The following NRXN3 variants were observed in gnomAD, a reference collection of about 807,000 sequenced individuals.
NRXN3 encodes the protein neurexin 3.
A neutral mutation model predicts 137.6 loss-of-function variants in NRXN3; 32 were observed. The ratio of observed to expected loss-of-function variants is 0.23; its 90% CI spans 0.18 to 0.31. The LOEUF (loss-of-function observed/expected upper bound fraction) is 0.31, where lower values mean the gene tolerates loss of function less well. Ranked by LOEUF, NRXN3 falls within the 10% of genes least tolerant of loss-of-function variation. The probability of loss-of-function intolerance (pLI) is 1.00; values close to 1 mark genes in which losing one functional copy is unlikely to be tolerated. For synonymous variants in NRXN3, 798 were observed against 784.5 expected, an observed-to-expected ratio of 1.02 and a Z score of -0.29; for missense variants, 1,574 against 2,062.5, an observed-to-expected ratio of 0.76 and a Z score of 4.59.
At position 78,212,620 on chromosome 14, in the gene NRXN3, T is replaced by C. The variant is rs79852992; in HGVS notation, c.-703-29771T>C. ...TCACAAGATGTCTTCAGGGCAAAAG[T>C]GATTTTCATACTTGTCTGGATTCCT... On this transcript the variant is annotated intron_variant, in intron 1 of 20. Coordinates refer to ENST00000335750, the MANE Select transcript of NRXN3 (RefSeq NM_001330195.2). 3.8e-3 allele frequency among the ~76,000 whole-genome samples: 577 copies of C among 152,310 alleles called. 4 individuals carry two copies. The highest frequency in any genetic ancestry group is 0.013 in the African/African-American group (555 of 41,574).
At chr14:78,211,324 G>A (rs1369451405) in intron 1 of NRXN3, among the ~76,000 whole-genome samples, 1 of 152,156 alleles carries the variant, frequency 6.6e-6, no homozygotes, top group African/African-American at 2.4e-5. Flanking sequence ...GGGGGATGAA[G>A]GGAAAAAGCA....
intron 10 of NRXN3, among the ~76,000 whole-genome samples, chr14:78,850,255 G>A (rs1379870250): frequency 6.6e-6 from 1 of 152,022 alleles, no homozygotes; most frequent in Admixed American, 6.6e-5. Flanking sequence ...TTACAGATGC[G>A]AGAACAAGCC....
intron 16 of NRXN3, among the ~76,000 whole-genome samples, chr14:79,516,623 T>G (rs2096987617): frequency 6.6e-6 from 1 of 152,218 alleles, no homozygotes. Flanking sequence ...TGCCTCTCAT[T>G]TCTGTTCTTC....
intron 15 of NRXN3, among the ~76,000 whole-genome samples, chr14:79,305,872 C>A (rs1443000961): frequency 6.6e-6 from 1 of 152,046 alleles, no homozygotes; most frequent in Non-Finnish European, 1.5e-5. Flanking sequence ...AGATAAGATA[C>A]AATCCTAACA....
chr14:78,262,501 G>T (rs1413626789), intron 2 of NRXN3, among the ~76,000 whole-genome samples: 1 of 152,162 alleles, frequency 6.6e-6, no homozygotes, highest in Non-Finnish European at 1.5e-5. Context: ...AATGTAATTT[G>T]CCACCAGCCT....
At chr14:79,789,343 G>A (rs530144965) in intron 19 of NRXN3, among the ~76,000 whole-genome samples, 11 of 152,050 alleles carry the variant, frequency 7.2e-5, no homozygotes, top group Non-Finnish European at 1.3e-4. Context: ...GAGGTGTGAC[G>A]GGGAGCAGGA....
At chr14:79,109,136 G>T (rs1377878940) in intron 15 of NRXN3, among the ~76,000 whole-genome samples, 1 of 152,146 alleles carries the variant, frequency 6.6e-6, no homozygotes, top group Non-Finnish European at 1.5e-5. Flanking sequence ...TCCCCAGTTG[G>T]TTGCTTATTT....
chr14:78,719,568 G>A (rs940595930), intron 8 of NRXN3, among the ~76,000 whole-genome samples: 2 of 152,202 alleles, frequency 1.3e-5, no homozygotes, highest in African/African-American at 4.8e-5. Context: ...GAGGCCAGGA[G>A]TGGTGGCTCA....
chr14:78,323,973 T>C (rs1305871261), intron 4 of NRXN3, among the ~76,000 whole-genome samples: 1 of 152,044 alleles, frequency 6.6e-6, no homozygotes, highest in Non-Finnish European at 1.5e-5. Context: ...ATGGCCATTA[T>C]CTCACTTCAT....
intron 15 of NRXN3, among the ~76,000 whole-genome samples, chr14:79,139,396 G>A (rs1301281016): frequency 6.6e-6 from 1 of 152,086 alleles, no homozygotes; most frequent in East Asian, 1.9e-4. Flanking sequence ...GATATATTCG[G>A]TTATAAGAAA....
intron 15 of NRXN3, among the ~76,000 whole-genome samples, chr14:79,272,554 T>C (rs1384147435): frequency 6.6e-6 from 1 of 152,168 alleles, no homozygotes; most frequent in Admixed American, 6.5e-5. Context: ...TTTTTTATTC[T>C]AGAGAAGAAA....
At chr14:79,279,100 C>A (rs1448421449) in intron 15 of NRXN3, among the ~76,000 whole-genome samples, 4 of 152,182 alleles carry the variant, frequency 2.6e-5, no homozygotes, top group Non-Finnish European at 5.9e-5. Flanking sequence ...ATAAAGAAGG[C>A]GCAGTGTCGG....
rs187461130 is a variant in NRXN3, at chr14:78,912,271, C to T, written c.2276-44971C>T. ...GAACTCATCTCTATTCTTTTATTAG[C>T]CACCAGGAAGCTTTAAAAAAAATAC... On this transcript the variant is annotated intron_variant, in intron 10 of 20. Coordinates refer to ENST00000335750, the MANE Select transcript of NRXN3 (RefSeq NM_001330195.2). Among the ~76,000 whole-genome samples, 99 of 150,536 alleles carry T rather than the reference C, an allele frequency of 6.6e-4. 1 individual carries two copies. In the East Asian group the frequency reaches 0.02, roughly 30 times the overall value.
At chr14:79,710,596 A>C (rs1231412258) in intron 19 of NRXN3, among the ~76,000 whole-genome samples, 1 of 152,170 alleles carries the variant, frequency 6.6e-6, no homozygotes, top group South Asian at 2.1e-4. Flanking sequence ...TGGTTTCAAA[A>C]ATGCTGTATA....
chr14:78,298,493 G>A (rs2076572471), intron 4 of NRXN3, among the ~76,000 whole-genome samples: 1 of 152,206 alleles, frequency 6.6e-6, no homozygotes, highest in South Asian at 2.1e-4. Flanking sequence ...TTCAGCATCT[G>A]CAACCTAAAA....
chr14:79,221,643 C>T lies in NRXN3; in HGVS notation c.3262+233502C>T, dbSNP rs142935390. Among the ~76,000 whole-genome samples, 378 of 151,930 alleles carry T rather than the reference C, an allele frequency of 2.5e-3. 3 individuals are homozygous for T. Among genetic ancestry groups the T allele is most frequent in the African/African-American group, 8.4e-3 (349 of 41,436 alleles). ...AATTTTTAATGTTCTTTGTAGATTC[C>T]GGATATTAGCCCTTTATCAGATGGA... On this transcript the variant is annotated intron_variant, in intron 15 of 20. Transcript: ENST00000335750.
intron 16 of NRXN3, among the ~76,000 whole-genome samples, chr14:79,598,534 T>C (rs1294618905): frequency 6.6e-6 from 1 of 152,218 alleles, no homozygotes; most frequent in South Asian, 2.1e-4. Context: ...GCTGGTAATA[T>C]GCAGAAAGGA....
At chr14:79,526,771 A>C (rs951914695) in intron 16 of NRXN3, among the ~76,000 whole-genome samples, 1 of 152,198 alleles carries the variant, frequency 6.6e-6, no homozygotes, top group South Asian at 2.1e-4. Context: ...AACGCTGGGA[A>C]AGAAACGAAC....
At chr14:79,528,816 T>C (rs2097144360) in intron 16 of NRXN3, among the ~76,000 whole-genome samples, 1 of 152,214 alleles carries the variant, frequency 6.6e-6, no homozygotes, top group Non-Finnish European at 1.5e-5. Context: ...TAATATGCGA[T>C]ATAATAAGCT....
Sources: gnomAD v4.1 joint callset for allele counts (sites outside exome capture counted in the v4.1 genomes callset) on GRCh38, gnomAD v4.1.1 for gene constraint, MANE v1.5 for transcripts, NCBI Gene and HGNC (gene_info 2026-07-23, HGNC 2026-07-21) for gene names.